Variants in DIAPH2 observed in about 807,000 individuals in gnomAD.
DIAPH2 encodes diaphanous related formin 2.
DIAPH2 carries 35 observed loss-of-function variants against 92.7 expected under a neutral mutation model. The ratio of observed to expected loss-of-function variants is 0.38; its 90% CI spans 0.29 to 0.50. The LOEUF is 0.50. Ranked by LOEUF, DIAPH2 falls within the 20% of genes least tolerant of loss-of-function variation. The pLI, the probability that DIAPH2 is intolerant of heterozygous loss-of-function variation, is 0.94. For missense variants in DIAPH2, 701 were observed against 819.5 expected (o/e 0.86, Z 1.77); for synonymous variants, 301 against 280.4 (o/e 1.07, Z -0.73).
intron 26 of DIAPH2, among the ~76,000 whole-genome samples, chrX:97,436,672 C>T (rs1343701723): frequency 8.9e-6 from 1 of 111,974 alleles, no homozygotes; most frequent in Non-Finnish European, 1.9e-5. Flanking sequence ...TGGCTCTTGT[C>T]TCTACATACA....
At chrX:97,579,170 G>C (rs912239943) in intron 26 of DIAPH2, among the ~76,000 whole-genome samples, 2 of 109,414 alleles carry the variant, frequency 1.8e-5, no homozygotes, top group Non-Finnish European at 3.8e-5. Flanking sequence ...AATCTCTTTA[G>C]TTTAATTAGA....
intron 4 of DIAPH2, among the ~76,000 whole-genome samples, chrX:96,807,916 C>A: frequency 1.5e-5 from 1 of 68,234 alleles, no homozygotes; most frequent in African/African-American, 5.7e-5. Flanking sequence ...CCATCTACCA[C>A]AAGTGAGATT....
intron 26 of DIAPH2, among the ~76,000 whole-genome samples, chrX:97,508,871 A>G (rs2070856655): frequency 9.1e-6 from 1 of 109,338 alleles, no homozygotes; most frequent in African/African-American, 3.3e-5. Flanking sequence ...GAATCTAACT[A>G]TTTCTCTTAC....
At chrX:97,462,999 C>T (rs367884193) in intron 26 of DIAPH2, among the ~76,000 whole-genome samples, 62 of 111,454 alleles carry the variant, frequency 5.6e-4, no homozygotes, top group African/African-American at 2.0e-3. Context: ...GAACAAAAAG[C>T]TATTTAAACT....
At chrX:96,724,247 T>C (rs772263957) in intron 1 of DIAPH2, among the ~76,000 whole-genome samples, 7 of 111,393 alleles carry the variant, frequency 6.3e-5, no homozygotes, top group African/African-American at 2.3e-4. Context: ...TTTTTAAGCG[T>C]ATCTTTATTT....
At chrX:97,158,428 C>T (rs1265957935) in intron 22 of DIAPH2, among the ~76,000 whole-genome samples, 5 of 111,678 alleles carry the variant, frequency 4.5e-5, no homozygotes, top group South Asian at 3.8e-4. Context: ...TATCACTCCT[C>T]GGCAGTGTTC....
At chrX:97,491,958 A>C (rs4828086) in intron 26 of DIAPH2, among the ~76,000 whole-genome samples, 43,304 of 110,444 alleles carry the variant, frequency 0.39, 6,088 homozygotes, top group East Asian at 0.57. Flanking sequence ...AGCTGCTGAC[A>C]ACTTAACTGC....
intron 23 of DIAPH2, among the ~76,000 whole-genome samples, chrX:97,266,693 TTTCA>T (rs1427961272): frequency 1.8e-5 from 2 of 112,268 alleles, no homozygotes; most frequent in Non-Finnish European, 3.8e-5. Flanking sequence ...GCATCTCATG[TTTCA>T]ATTTGCAGTT....
chrX:97,216,441 A>C (rs1243573049), intron 22 of DIAPH2, among the ~76,000 whole-genome samples: 1 of 108,410 alleles, frequency 9.2e-6, no homozygotes, highest in Non-Finnish European at 1.9e-5. Flanking sequence ...AGTAGCTAGG[A>C]CCAGAGATGT....
chrX:97,253,303 T>TAAAATAAAATAAAATAAAAA, intron 23 of DIAPH2, among the ~76,000 whole-genome samples: 1 of 108,508 alleles, frequency 9.2e-6, no homozygotes, highest in Non-Finnish European at 1.9e-5. Context: ...AAAAATAAAA[T>TAAAATAAAATAAAATAAAAA]AAAATAAAAT....
chrX:96,856,100 A>T (rs980427328), intron 4 of DIAPH2, among the ~76,000 whole-genome samples: 4 of 112,079 alleles, frequency 3.6e-5, no homozygotes, highest in African/African-American at 1.3e-4. Flanking sequence ...AATCAATTAA[A>T]GTGTGTGTGG....
At chrX:96,774,255 G>A (rs971989505) in intron 4 of DIAPH2, among the ~76,000 whole-genome samples, 1 of 111,831 alleles carries the variant, frequency 8.9e-6, no homozygotes, top group Non-Finnish European at 1.9e-5. Context: ...CAATAACTAA[G>A]TAAGATTTGG....
chrX:97,576,848 G>C lies in DIAPH2; in HGVS notation c.3242-22405G>C, dbSNP rs2071402384. ...AGGTAGTTAAATAATCCTGACAAAG[G>C]GAATCGTTTAGAAACAATACATACA... On this transcript the variant is annotated intron_variant, in intron 26 of 26. Coordinates refer to ENST00000324765, the MANE Select transcript of DIAPH2 (RefSeq NM_006729.5). Among the ~76,000 whole-genome samples, 3 of 111,094 alleles carry C rather than the reference G, an allele frequency of 2.7e-5. No homozygotes were observed. The South Asian group carries it at 1.1e-3, about 42-fold the overall frequency.
intron 4 of DIAPH2, among the ~76,000 whole-genome samples, chrX:96,788,557 T>C (rs777795357): frequency 3.4e-4 from 38 of 111,120 alleles, no homozygotes; most frequent in Non-Finnish European, 6.0e-4. Context: ...TTAACACCCC[T>C]ATTATTATTA....
At chrX:96,810,547 C>G (rs2064670090) in intron 4 of DIAPH2, among the ~76,000 whole-genome samples, 1 of 111,670 alleles carries the variant, frequency 9.0e-6, no homozygotes, top group African/African-American at 3.3e-5. Flanking sequence ...TCAATTTTGG[C>G]TTTTGTTGCC....
intron 4 of DIAPH2, among the ~76,000 whole-genome samples, chrX:96,810,289 T>C (rs1272049481): frequency 1.8e-5 from 2 of 112,254 alleles, no homozygotes; most frequent in Non-Finnish European, 3.8e-5. Flanking sequence ...CATTTTTTCA[T>C]GTGTCTGTTG....
rs149016991 is a variant in DIAPH2, at chrX:97,374,012, A to G, written c.3010-9897A>G. ...GGAAGAGATGAGGACAGAGAGAGGTAACAGGAGGTCAGATCACATAAGGCT... is the reference window on the plus strand; with the variant it reads ...GGAAGAGATGAGGACAGAGAGAGGTGACAGGAGGTCAGATCACATAAGGCT... On this transcript the variant is annotated intron_variant, in intron 24 of 26. Transcript: ENST00000324765. 7.5e-3 allele frequency among the ~76,000 whole-genome samples: 830 copies of G among 110,563 alleles called. 18 individuals are homozygous for G. The East Asian group carries it at 0.11, about 15-fold the overall frequency.
intron 5 of DIAPH2, among the ~76,000 whole-genome samples, chrX:96,906,284 A>G (rs1291231483): frequency 3.6e-5 from 4 of 112,422 alleles, no homozygotes; most frequent in Non-Finnish European, 7.5e-5. Context: ...AAACAAGTCA[A>G]TAGAGTAAGT....
At chrX:97,009,105 T>C (rs1401433670) in intron 17 of DIAPH2, among the ~76,000 whole-genome samples, 1 of 110,289 alleles carries the variant, frequency 9.1e-6, no homozygotes, top group East Asian at 2.9e-4. Context: ...CCTAGTGCTT[T>C]TTTCTGAGAG....
Sources: allele counts gnomAD v4.1 joint callset (sites outside exome capture counted in the v4.1 genomes callset), GRCh38; gene constraint gnomAD v4.1.1; transcripts MANE v1.5; gene names NCBI Gene and HGNC (gene_info 2026-07-23, HGNC 2026-07-21).